The following CHRNA3 variants were observed in gnomAD, a reference collection of about 807,000 sequenced individuals.
CHRNA3 encodes neuronal acetylcholine receptor subunit alpha-3.
A neutral mutation model predicts 41.9 loss-of-function variants in CHRNA3; 34 were observed. The observed-to-expected ratio is 0.81, with a 90% confidence interval of 0.62 to 1.08. The LOEUF (loss-of-function observed/expected upper bound fraction) is 1.08, where lower values mean the gene tolerates loss of function less well. CHRNA3 is among the 50% of genes least tolerant of loss of function. The pLI, the probability that CHRNA3 is intolerant of heterozygous loss-of-function variation, is 0.00. For missense variants in CHRNA3, 542 were observed against 638.3 expected (o/e 0.85, Z 1.63); for synonymous variants, 281 against 265.2 (o/e 1.06, Z -0.58).
intron 4 of CHRNA3, among the ~76,000 whole-genome samples, chr15:78,607,890 G>A (rs573498461): frequency 1.8e-4 from 28 of 152,284 alleles, no homozygotes; most frequent in African/African-American, 6.7e-4. Context: ...CTTTTCCAAC[G>A]GGCTTAAAAA....
intron 4 of CHRNA3, among the ~76,000 whole-genome samples, chr15:78,608,136 CTG>C (rs1341255820): frequency 6.6e-6 from 1 of 152,260 alleles, no homozygotes; most frequent in Non-Finnish European, 1.5e-5. Flanking sequence ...GGCTCCACCT[CTG>C]GGGGCAGGGC....
chr15:78,594,326 CTT>C (rs1453301045), downstream of CHRNA3: 2 of 152,130 alleles, frequency 1.3e-5, no homozygotes, highest in African/African-American at 4.8e-5. Context: ...GGTAGTATCT[CTT>C]TATCCTTGAT....
chr15:78,620,402 C>CAGCGCGGGGCAGG, intron 1 of CHRNA3: 2 of 230,598 alleles, frequency 8.7e-6, no homozygotes, highest in Non-Finnish European at 1.7e-5. Flanking sequence ...CGCGGGGACG[C>CAGCGCGGGGCAGG]GAATCCCCAA....
At chr15:78,618,944 G>C (rs2053508867) in intron 1 of CHRNA3, 29 bp from the exon 2 acceptor site, 1 of 1,610,492 alleles carries the variant, frequency 6.2e-7, no homozygotes, top group African/African-American at 1.3e-5. Flanking sequence ...TCAGTCCCTG[G>C]GGAAATCGTT....
chr15:78,604,327 CAA>C (rs1480319450), intron 4 of CHRNA3, among the ~76,000 whole-genome samples: 1 of 152,162 alleles, frequency 6.6e-6, no homozygotes, highest in Non-Finnish European at 1.5e-5. Context: ...TTCATTTTGC[CAA>C]AGAGAAAACT....
chr15:78,596,511 T>TAG lies in CHRNA3; in HGVS notation c.*91_*92dup. ...CTCGAAATGCCAAAAACAAAGCTGG[T>TAG]AGCTTGATAACAGAAAGTACGTTCT... On this transcript the variant is annotated 3_prime_UTR_variant, in exon 6 of 6. Coordinates refer to ENST00000326828, the MANE Select transcript of CHRNA3 (RefSeq NM_000743.5). The TAG allele has an allele frequency of 3.0e-6, 4 of 1,341,660 alleles. No homozygotes were observed. The highest frequency in any genetic ancestry group is 3.8e-6 in the Non-Finnish European group (4 of 1,042,668). 83.1% of individuals were successfully genotyped at this position (1,341,660 alleles called of 1,614,324 possible).
rs1439588849 is a variant in CHRNA3, at chr15:78,601,349, CACAGCATCA to C, written c.1284_1292del (p.Asp429_Val431del). 5 of 1,614,070 alleles carry C rather than the reference CACAGCATCA, an allele frequency of 3.1e-6. No homozygotes were observed. Among genetic ancestry groups the C allele is most frequent in the Non-Finnish European group, 4.2e-6 (5 of 1,180,026 alleles). On this transcript the variant is annotated inframe_deletion, in exon 5 of 6. Transcript: ENST00000326828. ...CTGGTGACAAAGCAGAGAGGGACAG[CACAGCATCA>C]ACAGATTCAGAACTAGAGCTTCTCG...
chr15:78,612,719 G>A (rs1415409788), intron 4 of CHRNA3, among the ~76,000 whole-genome samples: 1 of 132,172 alleles, frequency 7.6e-6, no homozygotes, highest in African/African-American at 3.0e-5. Context: ...ATTGACAAAT[G>A]GGATCTAATT....
At position 78,602,014 on chromosome 15, in the gene CHRNA3, T is replaced by C. The variant is rs200244272; in HGVS notation, c.628A>G (p.Ile210Val). The change falls in exon 5 of 6, where the codon ATC (isoleucine) becomes GTC (valine). Residue 210 changes from isoleucine to valine, a missense_variant. By Grantham distance (29) the Ile-to-Val change is conservative. Coordinates refer to ENST00000326828, the MANE Select transcript of CHRNA3 (RefSeq NM_000743.5). ...DYWESGEWAI[I>V]KAPGYKHDIK... ...TCGTGTTTGTAGCCTGGGGCTTTGA[T>C]GATGGCCCACTCGCCGCTCTCCCAA... 5.6e-6 allele frequency: 9 copies of C among 1,613,574 alleles called. No homozygotes were observed. The highest frequency in any genetic ancestry group is 7.6e-6 in the Non-Finnish European group (9 of 1,179,524).
Position 78,620,921 on chromosome 15 carries a change from G to T in CHRNA3, c.-127C>A, listed in dbSNP as rs932675833. 2 of 1,180,196 alleles carry T rather than the reference G, an allele frequency of 1.7e-6. No individual in the cohort carries two copies. The highest frequency in any genetic ancestry group is 3.2e-5 in the African/African-American group (2 of 62,368). The allele number at this position is 1,180,196 out of a possible 1,614,324, so 73.1% of individuals were successfully genotyped here. ...TGGAGCCGTGCGGGCGGAGACGCGC[G>T]GGGCTCCTCTCCGCTTCGCCGCCGC... is the stretch of plus-strand genomic sequence containing the variant. On this transcript the variant is annotated 5_prime_UTR_variant, in exon 1 of 6. Coordinates refer to ENST00000326828, the MANE Select transcript of CHRNA3 (RefSeq NM_000743.5).
rs2141316965 is a variant in CHRNA3 at position 78,595,468 on chromosome 15, G to A, written c.*1136C>T. The A allele has an allele frequency of 1.0e-6, 1 of 970,768 alleles. No individual in the cohort carries two copies. The highest frequency in any genetic ancestry group is 5.3e-4 in the Middle Eastern group (1 of 1,888). 60.1% of individuals were successfully genotyped at this position (970,768 alleles called of 1,614,324 possible). On this transcript the variant is annotated 3_prime_UTR_variant, in exon 6 of 6. Transcript: ENST00000326828. Reference sequence around the variant, plus strand: ...TGTCTAAAGCAATGTTTCTCAACCAGGGGCAATTTTGCTCCTAAGGGAACA... The same window carrying A: ...TGTCTAAAGCAATGTTTCTCAACCAAGGGCAATTTTGCTCCTAAGGGAACA...
At chr15:78,593,056 C>T (rs1231364841), downstream of CHRNA3, 6 of 1,590,740 alleles carry the variant, frequency 3.8e-6, no homozygotes, top group Admixed American at 5.4e-5. Context: ...ACACAATTTA[C>T]AATTATTTAA....
chr15:78,620,537 G>A (rs1169767533), intron 1 of CHRNA3, among the ~76,000 whole-genome samples, 176 bp downstream of exon 1: 1 of 152,218 alleles, frequency 6.6e-6, no homozygotes, highest in Non-Finnish European at 1.5e-5. Context: ...AAGGGAAAAA[G>A]CCACCCCACC....
At chr15:78,606,071 A>G (rs779047557) in intron 4 of CHRNA3, among the ~76,000 whole-genome samples, 3 of 152,218 alleles carry the variant, frequency 2.0e-5, no homozygotes, top group Non-Finnish European at 4.4e-5. Flanking sequence ...CTGTAATCCC[A>G]GCACTTTGGG....
At chr15:78,618,350 T>C in intron 3 of CHRNA3, 1 of 504,678 alleles carries the variant, frequency 2.0e-6, no homozygotes, top group East Asian at 3.5e-5. Flanking sequence ...ACTCTTCTGT[T>C]GTGTGAACAT....
intron 1 of CHRNA3, chr15:78,620,307 G>C (rs1285246079): frequency 2.0e-5 from 4 of 200,346 alleles, no homozygotes; most frequent in African/African-American, 9.4e-5. Context: ...CGTCAAATGA[G>C]GAGGTGGGCG....
At chr15:78,615,517 A>T (rs8042059) in intron 4 of CHRNA3, among the ~76,000 whole-genome samples, 3 of 151,934 alleles carry the variant, frequency 2.0e-5, no homozygotes, top group African/African-American at 7.3e-5. Flanking sequence ...ATGTCAGGGA[A>T]GGGCCAGATC....
chr15:78,618,942 TG>T, intron 1 of CHRNA3, 27 bp from the exon 2 acceptor site: 1 of 1,610,592 alleles, frequency 6.2e-7, no homozygotes, highest in Non-Finnish European at 8.5e-7. Flanking sequence ...TGTCAGTCCC[TG>T]GGGAAATCGT....
At chr15:78,605,994 CAA>C (rs751863157) in intron 4 of CHRNA3, among the ~76,000 whole-genome samples, 3 of 152,100 alleles carry the variant, frequency 2.0e-5, no homozygotes, top group Admixed American at 6.5e-5. Context: ...TCTATTTAAA[CAA>C]GAGCAACGAA....
Sources: gnomAD v4.1 joint callset for allele counts (sites outside exome capture counted in the v4.1 genomes callset) on GRCh38, gnomAD v4.1.1 for gene constraint, MANE v1.5 for transcripts, NCBI Gene and HGNC (gene_info 2026-07-23, HGNC 2026-07-21) for gene names.